The following MRPL40 variants were observed in gnomAD, a reference collection of about 807,000 sequenced individuals.
The protein encoded by MRPL40 is mitochondrial ribosomal protein L40.
MRPL40 carries 18 observed loss-of-function variants against 24.5 expected under a neutral mutation model. That is an observed-to-expected ratio of 0.73 (90% CI 0.51 to 1.09). The LOEUF (loss-of-function observed/expected upper bound fraction) is 1.09. Among genes scored for constraint, MRPL40 ranks in the 50% least tolerant of loss-of-function variants. The pLI, the probability that MRPL40 is intolerant of heterozygous loss-of-function variation, is 0.00. For synonymous variants in MRPL40, 108 were observed against 94.6 expected (o/e 1.14, Z -0.82); for missense variants, 256 against 243.8 (o/e 1.05, Z -0.33).
chr22:19,435,799 A>G lies in MRPL40; in HGVS notation c.458A>G (p.Glu153Gly), dbSNP rs957953812. ...QQEALEELQL[E>G]SPKLHAEAIK... The stretch of plus-strand genomic sequence containing the variant: ...GAAGCTCTGGAGGAACTGCAACTGG[A>G]ATCCCCGAAGCTCCATGCTGAGGCC... Residue 153 changes from glutamate to glycine, a missense_variant, in exon 4 of 4, where the codon GAA (glutamate) becomes GGA (glycine). Coordinates refer to ENST00000333130, the MANE Select transcript of MRPL40 (RefSeq NM_003776.4). 1.2e-6 allele frequency: 2 copies of G among 1,614,062 alleles called. No individual in the cohort carries two copies. Among genetic ancestry groups the G allele is most frequent in the Non-Finnish European group, 1.7e-6 (2 of 1,180,044 alleles).
At chr22:19,432,998 C>A in intron 1 of MRPL40, 1 of 683,216 alleles carries the variant, frequency 1.5e-6, no homozygotes, top group African/African-American at 1.9e-5. Flanking sequence ...GGCGCGATTT[C>A]GGCTCACTGC....
In MRPL40 at chr22:19,432,621, C is replaced by G; in HGVS notation, c.53+14C>G. On this transcript the variant is annotated intron_variant, in intron 1 of 3. Coordinates refer to ENST00000333130, the MANE Select transcript of MRPL40 (RefSeq NM_003776.4). ...CCCGACTAGCGGGTGAGTGCGGACGCTGGCCGGATAGCGGAGTGCCCAGGG... is the reference window on the plus strand; with the variant it reads ...CCCGACTAGCGGGTGAGTGCGGACGGTGGCCGGATAGCGGAGTGCCCAGGG... 6.5e-7 allele frequency: 1 copy of G among 1,548,496 alleles called. No individual in the cohort carries two copies. Among genetic ancestry groups the G allele is most frequent in the Non-Finnish European group, 8.7e-7 (1 of 1,147,074 alleles).
chr22:19,434,670 A>T (rs1421981897), intron 2 of MRPL40, 66 bp from the exon 3 acceptor site: 2 of 1,371,434 alleles, frequency 1.5e-6, no homozygotes, highest in Admixed American at 4.9e-5. Context: ...GGTACTTACC[A>T]TCTTGTCTCT....
intron 3 of MRPL40, 102 bp downstream of exon 3, chr22:19,434,996 T>C: frequency 9.3e-7 from 1 of 1,078,356 alleles, no homozygotes; most frequent in Non-Finnish European, 1.3e-6. Flanking sequence ...CATTGGTCAG[T>C]AGGCTTGAGC....
intron 2 of MRPL40, among the ~76,000 whole-genome samples, chr22:19,434,286 G>T (rs560015160): frequency 7.1e-6 from 1 of 141,440 alleles, no homozygotes; most frequent in South Asian, 2.3e-4. Flanking sequence ...GCAGTGGCGC[G>T]ATCTTGTCCT....
rs35856980 is a variant in MRPL40, at chr22:19,434,216, C to CTTT, written c.138-498_138-496dup. ...CCTGATGCCTCTTGTTGCTTTTGTA[C>CTTT]TTTTTTTTTTTTTTTTTTTTTTTTG... On this transcript the variant is annotated intron_variant, in intron 2 of 3. Transcript: ENST00000333130. Among the ~76,000 whole-genome samples the CTTT allele has an allele frequency of 1.3e-3, 110 of 85,286 alleles. 1 individual carries two copies. Among genetic ancestry groups the CTTT allele is most frequent in the East Asian group, 2.1e-3 (6 of 2,866 alleles). 56.0% of individuals were successfully genotyped at this position (85,286 alleles called of 152,430 possible). A position where few individuals can be genotyped will look rare whatever the true frequency, so the allele number is the denominator to read the frequency against.
At chr22:19,435,231 G>A (rs570193462) in intron 3 of MRPL40, among the ~76,000 whole-genome samples, 1 of 152,288 alleles carries the variant, frequency 6.6e-6, no homozygotes, top group Non-Finnish European at 1.5e-5. Flanking sequence ...CCTAACAGTA[G>A]AAAACCCTTG....
At chr22:19,434,396 T>C (rs1280779809) in intron 2 of MRPL40, among the ~76,000 whole-genome samples, 1 of 151,974 alleles carries the variant, frequency 6.6e-6, no homozygotes. Context: ...CTAATTTTTG[T>C]ATTTTTAGTA....
intron 1 of MRPL40, 188 bp downstream of exon 1, chr22:19,432,795 A>C (rs1055514855): frequency 1.6e-5 from 22 of 1,386,578 alleles, no homozygotes; most frequent in Non-Finnish European, 2.0e-5. Context: ...GTCCTGCTTA[A>C]GTCCTCTGTG....
rs770050157 is a variant in MRPL40 at position 19,435,830 on chromosome 22, G to A, written c.489G>A (p.Lys163=). The A allele has an allele frequency of 6.2e-7, 1 of 1,614,228 alleles. No homozygotes were observed. Among genetic ancestry groups the A allele is most frequent in the Non-Finnish European group, 8.5e-7 (1 of 1,180,042 alleles). ...CGAAGCTCCATGCTGAGGCCATCAA[G>A]CGGGATCCTAACCTGTTCCCCTTTG... ...ESPKLHAEAI[K]RDPNLFPFEK... The change falls in exon 4 of 4, where the codon AAG becomes AAA. Residue 163 remains lysine (K), a synonymous_variant. Coordinates refer to ENST00000333130, the MANE Select transcript of MRPL40 (RefSeq NM_003776.4).
chr22:19,434,691 A>T, intron 2 of MRPL40, 45 bp from the exon 3 acceptor site: 4 of 1,504,286 alleles, frequency 2.7e-6, no homozygotes, highest in Non-Finnish European at 3.6e-6. Flanking sequence ...CAGTAGGTTC[A>T]TGAGACCAAA....
Position 19,435,863 on chromosome 22 carries a change from A to G in MRPL40, c.522A>G (p.Glu174=), listed in dbSNP as rs2089584844. ...RDPNLFPFEK[E]GPHYTPPIPN... ...CTAACCTGTTCCCCTTTGAGAAGGA[A>G]GGGCCACATTACACACCACCGATCC... Residue 174 remains glutamate, a synonymous_variant, in exon 4 of 4, where the codon GAA becomes GAG. Transcript: ENST00000333130. The G allele has an allele frequency of 6.2e-7, 1 of 1,614,124 alleles. No individual in the cohort carries two copies. Among genetic ancestry groups the G allele is most frequent in the South Asian group, 1.1e-5 (1 of 91,074 alleles).
Position 19,433,247 on chromosome 22 carries a change from T to C in MRPL40, c.54-18T>C, listed in dbSNP as rs751731695. The C allele has an allele frequency of 5.7e-6, 9 of 1,568,126 alleles. No individual in the cohort carries two copies. Among genetic ancestry groups the C allele is most frequent in the South Asian group, 3.3e-5 (3 of 90,016 alleles). On this transcript the variant is annotated intron_variant, in intron 1 of 3. Coordinates refer to ENST00000333130, the MANE Select transcript of MRPL40 (RefSeq NM_003776.4). ...GCCTGGAGAAGCAGATATTTATACATACTCTTGTATCTTTCAGGCTTCTGG... is the reference window on the plus strand; with the variant it reads ...GCCTGGAGAAGCAGATATTTATACACACTCTTGTATCTTTCAGGCTTCTGG...
At position 19,434,697 on chromosome 22, in the gene MRPL40, C is replaced by T. The variant is rs763383478; in HGVS notation, c.138-39C>T. ...CTTGTCTCTCAGTAGGTTCATGAGA[C>T]CAAAGAGGAAAATGTTTAATATTTG... On this transcript the variant is annotated intron_variant, in intron 2 of 3. Transcript: ENST00000333130. The T allele has an allele frequency of 8.5e-6, 13 of 1,530,774 alleles. No homozygotes were observed. In the East Asian group the frequency reaches 2.9e-4, roughly 34 times the overall value. 94.8% of individuals were successfully genotyped at this position (1,530,774 alleles called of 1,614,324 possible). A position where few individuals can be genotyped will look rare whatever the true frequency, so the allele number is the denominator to read the frequency against.
chr22:19,436,012 C>G lies in MRPL40; in HGVS notation c.*50C>G. ...TGCTGCCCCTGAGAGTAGGAATGACCAGGGTTCAAGTCTGCTTTCCACAGA... is the reference window on the plus strand; with the variant it reads ...TGCTGCCCCTGAGAGTAGGAATGACGAGGGTTCAAGTCTGCTTTCCACAGA... On this transcript the variant is annotated 3_prime_UTR_variant, in exon 4 of 4. Transcript: ENST00000333130. 1 of 1,476,162 alleles carries G rather than the reference C, an allele frequency of 6.8e-7. No homozygotes were observed. The highest frequency in any genetic ancestry group is 9.3e-7 in the Non-Finnish European group (1 of 1,072,522). The allele number at this position is 1,476,162 out of a possible 1,614,324, so 91.4% of individuals were successfully genotyped here.
rs1380095908 is a variant in MRPL40 at position 19,435,663 on chromosome 22, T to C, written c.322T>C (p.Phe108Leu). ...AGAGCGGCCTCAGGTGGAGCTCACC[T>C]TTGAGGAGACTGAGAGGAGAGCTCT... ...ARERPQVELT[F>L]EETERRALLL... is the part of the protein sequence containing the mutation. The change falls in exon 4 of 4, where the codon TTT (phenylalanine) becomes CTT (leucine). Residue 108 changes from phenylalanine (F) to leucine (L), a missense_variant. Coordinates refer to ENST00000333130, the MANE Select transcript of MRPL40 (RefSeq NM_003776.4). 6.2e-7 allele frequency: 1 copy of C among 1,614,014 alleles called. No individual in the cohort carries two copies. The highest frequency in any genetic ancestry group is 1.7e-5 in the Admixed American group (1 of 59,998).
intron 2 of MRPL40, 61 bp downstream of exon 2, chr22:19,433,409 C>T: frequency 9.6e-7 from 1 of 1,043,106 alleles, no homozygotes; most frequent in Non-Finnish European, 1.5e-6. Flanking sequence ...GTGTAGAGAA[C>T]AAAGCAAGAA....
Position 19,433,301 on chromosome 22 carries a change from T to C in MRPL40, c.90T>C (p.Thr30=). ...LGTWQTQLRE[T]HQRASLLSFW... is the part of the protein sequence containing the mutation. ...CTTGGCAGACGCAGCTTAGAGAGAC[T>C]CACCAGCGAGCGTCATTGTTGTCTT... is the stretch of plus-strand genomic sequence containing the variant. Residue 30 remains threonine, a synonymous_variant, in exon 2 of 4, where the codon ACT becomes ACC. Coordinates refer to ENST00000333130, the MANE Select transcript of MRPL40 (RefSeq NM_003776.4). The C allele has an allele frequency of 1.2e-6, 2 of 1,613,250 alleles. No individual in the cohort carries two copies. The highest frequency in any genetic ancestry group is 1.7e-6 in the Non-Finnish European group (2 of 1,179,300).
In MRPL40 at chr22:19,435,674, T is replaced by G. The variant is rs778510650; in HGVS notation, c.333T>G (p.Thr111=). ...AGGTGGAGCTCACCTTTGAGGAGACTGAGAGGAGAGCTCTGCTTCTGAAGA... is the reference window on the plus strand; with the variant it reads ...AGGTGGAGCTCACCTTTGAGGAGACGGAGAGGAGAGCTCTGCTTCTGAAGA... ...RPQVELTFEE[T]ERRALLLKKW... Residue 111 remains threonine (T), a synonymous_variant, in exon 4 of 4, where the codon ACT becomes ACG. Coordinates refer to ENST00000333130, the MANE Select transcript of MRPL40 (RefSeq NM_003776.4). 6.2e-7 allele frequency: 1 copy of G among 1,614,110 alleles called. No homozygotes were observed. The highest frequency in any genetic ancestry group is 1.6e-4 in the Middle Eastern group (1 of 6,062).
Sources: allele counts gnomAD v4.1 joint callset (sites outside exome capture counted in the v4.1 genomes callset), GRCh38; gene constraint gnomAD v4.1.1; transcripts MANE v1.5; gene names NCBI Gene and HGNC (gene_info 2026-07-23, HGNC 2026-07-21).